The following CDC25C variants were observed in gnomAD, a reference collection of about 807,000 sequenced individuals.
CDC25C encodes the protein cell division cycle 25C.
Under a neutral mutation model 52.5 loss-of-function variants are expected in CDC25C, and 48 were observed. The ratio of observed to expected loss-of-function variants is 0.91; its 90% CI spans 0.72 to 1.16. CDC25C has a LOEUF of 1.16. CDC25C is among the 50% of genes most tolerant of loss of function. The pLI is 0.00. For missense variants in CDC25C, 510 were observed against 566.1 expected (o/e 0.90, Z 1.01); for synonymous variants, 187 against 206.5 (o/e 0.91, Z 0.81).
intron 7 of CDC25C, among the ~76,000 whole-genome samples, chr5:138,308,242 T>C (rs1217161195): frequency 2.6e-5 from 4 of 152,202 alleles, no homozygotes; most frequent in African/African-American, 9.7e-5. Flanking sequence ...GTCTATATTA[T>C]GCAATTCAGA....
intron 7 of CDC25C, among the ~76,000 whole-genome samples, chr5:138,312,584 T>C (rs774673323): frequency 5.3e-5 from 8 of 152,166 alleles, no homozygotes; most frequent in Non-Finnish European, 1.0e-4. Context: ...CTAGTTGAAA[T>C]AAGCCAGTTA....
At chr5:138,319,730 T>C (rs1442093496) in intron 6 of CDC25C, among the ~76,000 whole-genome samples, 2 of 152,136 alleles carry the variant, frequency 1.3e-5, no homozygotes, top group African/African-American at 4.8e-5. Flanking sequence ...GGGACATGAA[T>C]AGACATTTCT....
upstream of CDC25C, among the ~76,000 whole-genome samples, chr5:138,335,887 T>G (rs1760667522): frequency 6.6e-6 from 1 of 151,584 alleles, no homozygotes; most frequent in Admixed American, 6.6e-5. Flanking sequence ...ATTAAATTAT[T>G]AATTTAATTA....
intron 9 of CDC25C, 130 bp from the exon 10 acceptor site, chr5:138,289,693 C>T (rs1420365049): frequency 3.0e-6 from 2 of 665,820 alleles, no homozygotes; most frequent in Non-Finnish European, 5.4e-6. Context: ...ATCAGTGTCT[C>T]TATAAAGTGC....
At chr5:138,286,454 A>G in intron 12 of CDC25C, 43 bp downstream of exon 12, 1 of 1,578,788 alleles carries the variant, frequency 6.3e-7, no homozygotes, top group Non-Finnish European at 8.6e-7. Context: ...GTCCAACTCA[A>G]AATCCATTTC....
chr5:138,317,135 G>C (rs2126782961), intron 7 of CDC25C, among the ~76,000 whole-genome samples: 1 of 152,172 alleles, frequency 6.6e-6, no homozygotes, highest in Admixed American at 6.6e-5. Context: ...TGCACCTATA[G>C]TCCTAGCTAC....
At chr5:138,325,768 C>G in intron 6 of CDC25C, 47 bp downstream of exon 6, 1 of 1,377,380 alleles carries the variant, frequency 7.3e-7, no homozygotes, top group Non-Finnish European at 1.0e-6. Context: ...TTTCTTCACT[C>G]AAAAAATAAA....
chr5:138,338,275 C>G (rs965851401), exon 1 of CDC25C: 2 of 919,176 alleles, frequency 2.2e-6, no homozygotes, highest in Middle Eastern at 2.6e-4. Context: ...CAGAGCTGCT[C>G]CGGCCGCGGC....
chr5:138,295,784 C>G (rs1453566740), intron 7 of CDC25C, among the ~76,000 whole-genome samples: 1 of 152,082 alleles, frequency 6.6e-6, no homozygotes, highest in African/African-American at 2.4e-5. Flanking sequence ...TTCCCAGAAG[C>G]TGGTGTGGGA....
At position 138,286,627 on chromosome 5, in the gene CDC25C, C is replaced by A. The variant is rs767096637; in HGVS notation, c.1030G>T (p.Ala344Ser). The A allele has an allele frequency of 1.2e-6, 2 of 1,609,516 alleles. No individual in the cohort carries two copies. Among genetic ancestry groups the A allele is most frequent in the South Asian group, 2.2e-5 (2 of 90,470 alleles). Reference sequence around the variant, plus strand: ...TCTTCCTGACTATATAAGTTTAAGGCTCCCTGTAGAAGAAGAATTTTAGTA... The same window carrying A: ...TCTTCCTGACTATATAAGTTTAAGGATCCCTGTAGAAGAAGAATTTTAGTA... ...YEYLGGHIQG[A>S]LNLYSQEELF... Residue 344 changes from alanine to serine, a missense_variant, in exon 12 of 14, where the codon GCC becomes TCC. Physicochemically the swap from Ala to Ser is moderately conservative, Grantham distance 99. Coordinates refer to ENST00000323760, the MANE Select transcript of CDC25C (RefSeq NM_001790.5).
chr5:138,313,235 C>T (rs35917294), intron 7 of CDC25C, among the ~76,000 whole-genome samples: 1,927 of 151,958 alleles, frequency 0.013, 16 homozygotes, highest in Non-Finnish European at 0.017. Context: ...AAAAATTAGC[C>T]GGCCACGGTG....
intron 7 of CDC25C, among the ~76,000 whole-genome samples, chr5:138,305,461 G>A (rs1230189049): frequency 6.6e-6 from 1 of 152,128 alleles, no homozygotes; most frequent in Non-Finnish European, 1.5e-5. Flanking sequence ...GATTGCCCAG[G>A]CATGATCATG....
In CDC25C at chr5:138,286,015, C is replaced by T. The variant is rs1053843723; in HGVS notation, c.1272+7G>A. On this transcript the variant is annotated splice_region_variant and intron_variant, in intron 13 of 13. Coordinates refer to ENST00000323760, the MANE Select transcript of CDC25C (RefSeq NM_001790.5). The stretch of plus-strand genomic sequence containing the variant: ...AAGTTTGGCTCCCCGCATGCCCCAC[C>T]CTTTACCATATATTCTGGAAAGAAG... 1.2e-6 allele frequency: 2 copies of T among 1,605,572 alleles called. No individual in the cohort carries two copies.
At chr5:138,291,905 C>T in intron 8 of CDC25C, 65 bp downstream of exon 8, 1 of 1,382,122 alleles carries the variant, frequency 7.2e-7, no homozygotes, top group East Asian at 2.3e-5. Flanking sequence ...AAACAATCCT[C>T]ATACCAGAAA....
intron 7 of CDC25C, among the ~76,000 whole-genome samples, chr5:138,300,009 G>A (rs1198004953): frequency 6.6e-6 from 1 of 152,122 alleles, no homozygotes; most frequent in Non-Finnish European, 1.5e-5. Context: ...AGACCACTTA[G>A]ATGAAATGGA....
rs1414961113 is a variant in CDC25C at position 138,325,802 on chromosome 5, A to G, written c.459+13T>C. ...AAACTGCCAATATATCTAGGTTTCC[A>G]TTAAACACTCACATTTTCTTTATTT... is the stretch of plus-strand genomic sequence containing the variant. On this transcript the variant is annotated intron_variant, in intron 6 of 13. Coordinates refer to ENST00000323760, the MANE Select transcript of CDC25C (RefSeq NM_001790.5). 3 of 1,590,424 alleles carry G rather than the reference A, an allele frequency of 1.9e-6. No homozygotes were observed. Among genetic ancestry groups the G allele is most frequent in the Admixed American group, 3.3e-5 (2 of 59,920 alleles).
intron 7 of CDC25C, among the ~76,000 whole-genome samples, chr5:138,306,778 T>C (rs569202487): frequency 1.4e-5 from 2 of 142,062 alleles, no homozygotes; most frequent in African/African-American, 5.1e-5. Flanking sequence ...GCCTGGCCTA[T>C]TTTTTTTTTT....
chr5:138,329,169 CTGGGA>C (rs1175687227), intron 3 of CDC25C, among the ~76,000 whole-genome samples: 7 of 152,194 alleles, frequency 4.6e-5, no homozygotes, highest in Non-Finnish European at 1.0e-4. Flanking sequence ...TCCCAAAGTG[CTGGGA>C]TTACAGGCAT....
At chr5:138,329,727 T>A (rs1215675577) in intron 2 of CDC25C, 80 bp from the exon 3 acceptor site, 39 of 49,914 alleles carry the variant, frequency 7.8e-4, no homozygotes, top group Non-Finnish European at 1.1e-3. Flanking sequence ...CATCCTCTTC[T>A]TTTTTTTTTT....
Sources: allele counts gnomAD v4.1 joint callset (sites outside exome capture counted in the v4.1 genomes callset), GRCh38; gene constraint gnomAD v4.1.1; transcripts MANE v1.5; gene names NCBI Gene and HGNC (gene_info 2026-07-23, HGNC 2026-07-21).